Variants in DRC11 observed in about 807,000 individuals in gnomAD.
DRC11 encodes dynein regulatory complex subunit 11, also known as IQ and AAA domain-containing protein 1.
At chr2:236,450,267 T>G in the DRC11 span, among the ~76,000 whole-genome samples, 5 of 151,882 alleles carry the variant, frequency 3.3e-5, no homozygotes, top group African/African-American at 1.2e-4. Flanking sequence ...TGACCTGTCT[T>G]TAGGGGAGTT....
At chr2:236,386,674 C>T in the DRC11 span, among the ~76,000 whole-genome samples, 1 of 151,204 alleles carries the variant, frequency 6.6e-6, no homozygotes, top group Non-Finnish European at 1.5e-5. Context: ...CAGTTCTGCT[C>T]TGATTTTAGT....
chr2:236,373,497 C>T, the DRC11 span, among the ~76,000 whole-genome samples: 1 of 152,148 alleles, frequency 6.6e-6, no homozygotes, highest in African/African-American at 2.4e-5. Flanking sequence ...ATGATCCGCC[C>T]ACCTCAGTCT....
At chr2:236,317,054 G>A in the DRC11 span, among the ~76,000 whole-genome samples, 2 of 152,170 alleles carry the variant, frequency 1.3e-5, no homozygotes, top group Admixed American at 6.5e-5. This position sits in a 1 kb window ranked among gnomAD's most constrained non-coding sequence, Gnocchi z 5.4. Context: ...CCAGCACTTT[G>A]GGAGGCCGAG....
the DRC11 span, among the ~76,000 whole-genome samples, chr2:236,494,441 C>T: frequency 6.6e-6 from 1 of 152,220 alleles, no homozygotes; most frequent in Non-Finnish European, 1.5e-5. This position sits in a 1 kb window ranked among gnomAD's most constrained non-coding sequence, Gnocchi z 4.2. Context: ...TTCATTTGTG[C>T]ATGTTACCAA....
At chr2:236,462,963 TTG>T in the DRC11 span, among the ~76,000 whole-genome samples, 1 of 152,190 alleles carries the variant, frequency 6.6e-6, no homozygotes, top group African/African-American at 2.4e-5. This position sits in a 1 kb window ranked among gnomAD's most constrained non-coding sequence, Gnocchi z 6.4. Flanking sequence ...TATTTATTTA[TTG>T]TCTTTTTTAC....
the DRC11 span, among the ~76,000 whole-genome samples, chr2:236,325,291 C>G: frequency 6.6e-6 from 1 of 152,132 alleles, no homozygotes; most frequent in African/African-American, 2.4e-5. The surrounding 1 kb of genome is among the most constrained non-coding windows in gnomAD (Gnocchi z 4.4). Context: ...TATTTGAAAC[C>G]TAAGAGACAT....
At chr2:236,498,785 AGT>A in the DRC11 span, among the ~76,000 whole-genome samples, 5 of 151,992 alleles carry the variant, frequency 3.3e-5, no homozygotes, top group Non-Finnish European at 5.9e-5. Context: ...GGCCCTCATG[AGT>A]GTCCCCGCTT....
chr2:236,370,117 T>G, the DRC11 span, among the ~76,000 whole-genome samples: 1 of 152,022 alleles, frequency 6.6e-6, no homozygotes, highest in Non-Finnish European at 1.5e-5. This position sits in a 1 kb window ranked among gnomAD's most constrained non-coding sequence, Gnocchi z 5.5. Flanking sequence ...GGTGTCCTTA[T>G]AAAAAAGGAG....
chr2:236,365,161 C>T, the DRC11 span, among the ~76,000 whole-genome samples: 10 of 151,832 alleles, frequency 6.6e-5, no homozygotes, highest in African/African-American at 2.4e-4. This position sits in a 1 kb window ranked among gnomAD's most constrained non-coding sequence, Gnocchi z 7.4. Context: ...GGGACTGTGG[C>T]GGGGAGTGAC....
the DRC11 span, among the ~76,000 whole-genome samples, chr2:236,444,847 G>C: frequency 4.6e-5 from 7 of 152,232 alleles, no homozygotes; most frequent in Admixed American, 3.9e-4. Flanking sequence ...ATGGGAGACA[G>C]AGATCTGACA....
At chr2:236,380,135 C>CTT in the DRC11 span, among the ~76,000 whole-genome samples, 1 of 152,164 alleles carries the variant, frequency 6.6e-6, no homozygotes, top group African/African-American at 2.4e-5. The surrounding 1 kb of genome is among the most constrained non-coding windows in gnomAD (Gnocchi z 4.9). Flanking sequence ...GCCCATGAAG[C>CTT]TCTGAGAAAG....
chr2:236,311,737 T>TGTGTGTGTG, the DRC11 span, among the ~76,000 whole-genome samples: 1 of 144,188 alleles, frequency 6.9e-6, no homozygotes, highest in East Asian at 2.0e-4. The surrounding 1 kb of genome is among the most constrained non-coding windows in gnomAD (Gnocchi z 6.9). Flanking sequence ...TGTGTGTGTG[T>TGTGTGTGTG]TGGGGCTCAC....
the DRC11 span, among the ~76,000 whole-genome samples, chr2:236,307,874 C>T: frequency 6.6e-6 from 1 of 152,194 alleles, no homozygotes; most frequent in East Asian, 1.9e-4. The surrounding 1 kb of genome is among the most constrained non-coding windows in gnomAD (Gnocchi z 7.0). Context: ...GTCCTGGGGC[C>T]TTTTAAATGC....
At chr2:236,359,001 T>C in the DRC11 span, among the ~76,000 whole-genome samples, 2 of 151,436 alleles carry the variant, frequency 1.3e-5, no homozygotes, top group Non-Finnish European at 2.9e-5. The surrounding 1 kb of genome is among the most constrained non-coding windows in gnomAD (Gnocchi z 4.3). Flanking sequence ...AAGGCCATCC[T>C]GCTTCTTCCT....
chr2:236,394,921 C>T, the DRC11 span, among the ~76,000 whole-genome samples: 5 of 152,212 alleles, frequency 3.3e-5, no homozygotes, highest in East Asian at 7.7e-4. The surrounding 1 kb of genome is among the most constrained non-coding windows in gnomAD (Gnocchi z 7.0). Flanking sequence ...AGGACCAGCC[C>T]GTGGTGGCGC....
the DRC11 span, among the ~76,000 whole-genome samples, chr2:236,416,728 TATATA>T: frequency 3.4e-5 from 1 of 29,750 alleles, no homozygotes; most frequent in Non-Finnish European, 6.8e-5. Flanking sequence ...TATTTATATA[TATATA>T]TATATATATA....
chr2:236,413,307 C>T, the DRC11 span, among the ~76,000 whole-genome samples: 4,700 of 152,268 alleles, frequency 0.031, 242 homozygotes, highest in East Asian at 0.18. This position sits in a 1 kb window ranked among gnomAD's most constrained non-coding sequence, Gnocchi z 4.0. Flanking sequence ...TCCCTGTTCC[C>T]TAGGCTAAGG....
the DRC11 span, among the ~76,000 whole-genome samples, chr2:236,455,443 T>A: frequency 2.0e-5 from 3 of 152,112 alleles, no homozygotes; most frequent in African/African-American, 7.2e-5. This position sits in a 1 kb window ranked among gnomAD's most constrained non-coding sequence, Gnocchi z 5.7. Context: ...GCTTTTAAAG[T>A]CGTGACTAGT....
the DRC11 span, among the ~76,000 whole-genome samples, chr2:236,414,116 A>G: frequency 6.6e-6 from 1 of 152,178 alleles, no homozygotes; most frequent in Non-Finnish European, 1.5e-5. Flanking sequence ...TTCTGTATAT[A>G]TTCTAGGTGC....
Sources: gnomAD v4.1 joint callset for allele counts (sites outside exome capture counted in the v4.1 genomes callset) on GRCh38, gnomAD v4.1.1 for gene constraint, Gnocchi (gnomAD v3.1) non-coding constraint, MANE v1.5 for transcripts, NCBI Gene and HGNC (gene_info 2026-07-23, HGNC 2026-07-21) for gene names.